Variants in SGCZ observed in about 807,000 individuals in gnomAD.
The protein encoded by SGCZ is zeta-sarcoglycan.
In SGCZ, 40 loss-of-function variants were observed where a neutral mutation model predicts 41.3. The observed-to-expected ratio is 0.97, with a 90% CI of 0.75 to 1.26. SGCZ has a LOEUF of 1.26. Ranked by LOEUF, SGCZ falls within the 50% of genes most tolerant of loss-of-function variation. The pLI is 0.00. For missense variants in SGCZ, 552 were observed against 369.8 expected, an observed-to-expected ratio of 1.49 and a Z score of -4.04; for synonymous variants, 206 against 137.5, an observed-to-expected ratio of 1.50 and a Z score of -3.49.
intron 1 of SGCZ, among the ~76,000 whole-genome samples, chr8:15,056,715 T>C (rs1009276948): frequency 1.3e-5 from 2 of 152,176 alleles, no homozygotes; most frequent in Non-Finnish European, 2.9e-5. Context: ...TGTATATGCA[T>C]GTTTAACTTG....
At chr8:14,196,866 T>C (rs2117059841) in intron 4 of SGCZ, among the ~76,000 whole-genome samples, 1 of 152,234 alleles carries the variant, frequency 6.6e-6, no homozygotes, top group African/African-American at 2.4e-5. Flanking sequence ...AATACTTCAA[T>C]ATCAAATAAA....
intron 2 of SGCZ, among the ~76,000 whole-genome samples, chr8:14,518,897 A>AAG (rs1404027022): frequency 1.1e-4 from 17 of 149,278 alleles, no homozygotes; most frequent in Non-Finnish European, 1.9e-4. Flanking sequence ...TCTCTACCAA[A>AAG]AAAAAAAAAA....
intron 1 of SGCZ, among the ~76,000 whole-genome samples, chr8:15,202,985 T>C (rs268373): frequency 0.87 from 132,334 of 151,966 alleles, 57,746 homozygotes; most frequent in Middle Eastern, 0.9. Context: ...TGGTGGGTGC[T>C]TGTAATTCCA....
chr8:14,353,090 T>G (rs553722504), intron 2 of SGCZ, among the ~76,000 whole-genome samples: 1 of 99,064 alleles, frequency 1.0e-5, no homozygotes, highest in African/African-American at 2.7e-5. Context: ...TTTGAAATCT[T>G]GTTCTTACAC....
intron 1 of SGCZ, among the ~76,000 whole-genome samples, chr8:14,869,249 T>C (rs779438929): frequency 3.3e-5 from 5 of 152,174 alleles, no homozygotes; most frequent in Non-Finnish European, 5.9e-5. Context: ...CACGATTAAG[T>C]TGACGTCATC....
intron 1 of SGCZ, among the ~76,000 whole-genome samples, chr8:14,847,788 T>TTA (rs1675926916): frequency 2.9e-5 from 3 of 105,092 alleles, no homozygotes; most frequent in Non-Finnish European, 3.7e-5. Flanking sequence ...TAGTTAATGG[T>TTA]AAAAAAAAAA....
At chr8:15,194,731 C>T (rs970678662) in intron 1 of SGCZ, among the ~76,000 whole-genome samples, 3 of 152,114 alleles carry the variant, frequency 2.0e-5, no homozygotes, top group Admixed American at 6.5e-5. Flanking sequence ...GAGCCAAGGC[C>T]GCCTTTGGAA....
intron 3 of SGCZ, among the ~76,000 whole-genome samples, chr8:14,244,002 C>A (rs2117186634): frequency 6.6e-6 from 1 of 152,300 alleles, no homozygotes; most frequent in East Asian, 1.9e-4. Flanking sequence ...ACGCTTGACA[C>A]ATACTTTATG....
intron 1 of SGCZ, among the ~76,000 whole-genome samples, chr8:14,779,320 C>A (rs1800510961): frequency 6.6e-6 from 1 of 152,198 alleles, no homozygotes; most frequent in Non-Finnish European, 1.5e-5. Context: ...TGAGAACACT[C>A]AAGCATTTCC....
intron 1 of SGCZ, among the ~76,000 whole-genome samples, chr8:14,848,261 T>C (rs1459050094): frequency 6.6e-6 from 1 of 152,174 alleles, no homozygotes; most frequent in African/African-American, 2.4e-5. Context: ...GAAATTTCAA[T>C]ATTATTTAGA....
intron 1 of SGCZ, among the ~76,000 whole-genome samples, chr8:15,176,950 G>C (rs1203585332): frequency 1.3e-5 from 2 of 152,126 alleles, no homozygotes; most frequent in East Asian, 1.9e-4. Flanking sequence ...GCAGTGAGTA[G>C]AGATCACGCC....
chr8:14,382,089 C>T (rs1168677726), intron 2 of SGCZ, among the ~76,000 whole-genome samples: 1 of 152,078 alleles, frequency 6.6e-6, no homozygotes, highest in Non-Finnish European at 1.5e-5. Context: ...ATGAATACTT[C>T]CTCTAACATT....
chr8:14,863,495 T>C (rs75723133), intron 1 of SGCZ, among the ~76,000 whole-genome samples: 1,634 of 152,094 alleles, frequency 0.011, 26 homozygotes, highest in African/African-American at 0.038. Context: ...CAGCTATAAA[T>C]AGTGAGGTTT....
At chr8:14,540,102 C>A (rs533026085) in intron 2 of SGCZ, among the ~76,000 whole-genome samples, 3 of 151,908 alleles carry the variant, frequency 2.0e-5, no homozygotes, top group Admixed American at 1.3e-4. Flanking sequence ...CTAATCTATC[C>A]TGGCAGAGAA....
At chr8:14,757,932 T>C (rs1249199762) in intron 1 of SGCZ, among the ~76,000 whole-genome samples, 1 of 152,200 alleles carries the variant, frequency 6.6e-6, no homozygotes, top group East Asian at 1.9e-4. Context: ...AATAGTTTCA[T>C]CTTAATTCTC....
chr8:15,208,175 T>C (rs1455074680), intron 1 of SGCZ, among the ~76,000 whole-genome samples: 1 of 152,202 alleles, frequency 6.6e-6, no homozygotes, highest in East Asian at 1.9e-4. Context: ...CCCTGAAGAA[T>C]GTGTAAAGAG....
intron 1 of SGCZ, among the ~76,000 whole-genome samples, chr8:15,010,713 T>A (rs1229139785): frequency 6.6e-6 from 1 of 152,152 alleles, no homozygotes; most frequent in Non-Finnish European, 1.5e-5. Context: ...TATAGAGGCT[T>A]GGTATCATTC....
chr8:14,738,729 G>A, intron 1 of SGCZ, among the ~76,000 whole-genome samples: 1 of 152,032 alleles, frequency 6.6e-6, no homozygotes, highest in East Asian at 1.9e-4. Flanking sequence ...TACAATGGTA[G>A]GTCATGAAAG....
At chr8:15,005,124 G>C (rs370849637) in intron 1 of SGCZ, among the ~76,000 whole-genome samples, 6 of 152,122 alleles carry the variant, frequency 3.9e-5, no homozygotes, top group African/African-American at 1.4e-4. Context: ...CGGCTAGTAA[G>C]TTACTCATGG....
Sources: gnomAD v4.1 joint callset for allele counts (sites outside exome capture counted in the v4.1 genomes callset) on GRCh38, gnomAD v4.1.1 for gene constraint, MANE v1.5 for transcripts, NCBI Gene and HGNC (gene_info 2026-07-23, HGNC 2026-07-21) for gene names.